KLHL20: variants seen among roughly 807,000 people sequenced by gnomAD.
KLHL20 encodes the protein kelch like family member 20.
Under a neutral mutation model 69.5 loss-of-function variants are expected in KLHL20, and 29 were observed. The ratio of observed to expected loss-of-function variants is 0.42; its 90% CI spans 0.31 to 0.57. The LOEUF (loss-of-function observed/expected upper bound fraction) is 0.57. KLHL20 is among the 20% of genes least tolerant of loss of function. The pLI is 0.18. For missense variants in KLHL20, 419 were observed against 776.0 expected (o/e 0.54, Z 5.47); for synonymous variants, 253 against 265.2 (o/e 0.95, Z 0.45).
At chr1:173,715,129 G>T (rs1412581053) in intron 1 of KLHL20, 51 bp downstream of exon 1, 1 of 152,458 alleles carries the variant, frequency 6.6e-6, no homozygotes, top group Non-Finnish European at 1.5e-5. Flanking sequence ...GCGCCCCAGG[G>T]CTCGCTTCGC....
intron 3 of KLHL20, chr1:173,742,073 C>A: frequency 2.4e-6 from 1 of 409,064 alleles, no homozygotes; most frequent in Non-Finnish European, 4.3e-6. Flanking sequence ...GATGACCTAA[C>A]AGAAAAATGG....
At chr1:173,766,450 G>A (rs1433925537) in intron 8 of KLHL20, among the ~76,000 whole-genome samples, 161 bp downstream of exon 8, 1 of 148,858 alleles carries the variant, frequency 6.7e-6, no homozygotes, top group African/African-American at 2.5e-5. Flanking sequence ...TTCGAGACCA[G>A]CCTGGGCAAC....
At chr1:173,740,940 T>G (rs1480196073) in intron 3 of KLHL20, among the ~76,000 whole-genome samples, 3 of 152,198 alleles carry the variant, frequency 2.0e-5, no homozygotes, top group Non-Finnish European at 4.4e-5. Context: ...CAAGGACCCC[T>G]GTGAGATAAA....
chr1:173,733,387 A>G (rs1672375860), intron 2 of KLHL20, among the ~76,000 whole-genome samples: 1 of 152,148 alleles, frequency 6.6e-6, no homozygotes, highest in African/African-American at 2.4e-5. Flanking sequence ...ACTTGGGCTT[A>G]ATTTTTAAAA....
At chr1:173,731,960 G>C (rs896799530) in intron 2 of KLHL20, among the ~76,000 whole-genome samples, 1 of 152,152 alleles carries the variant, frequency 6.6e-6, no homozygotes, top group Non-Finnish European at 1.5e-5. Flanking sequence ...CACTTTGGGA[G>C]GCTGAGGCAG....
intron 7 of KLHL20, among the ~76,000 whole-genome samples, chr1:173,758,002 A>G (rs530414613): frequency 4.7e-4 from 71 of 152,336 alleles, no homozygotes; most frequent in Non-Finnish European, 9.1e-4. Context: ...CCGCATATCA[A>G]GTTCTAAAGA....
chr1:173,782,044 A>C, intron 10 of KLHL20, 80 bp from the exon 11 acceptor site: 1 of 939,440 alleles, frequency 1.1e-6, no homozygotes, highest in Non-Finnish European at 1.7e-6. Context: ...TTTTGTAAAT[A>C]GATTTATCTA....
intron 3 of KLHL20, among the ~76,000 whole-genome samples, chr1:173,737,771 G>T (rs569964410): frequency 3.5e-4 from 54 of 152,198 alleles, no homozygotes; most frequent in African/African-American, 1.2e-3. Context: ...ATTTTTATGG[G>T]AATTGCATTG....
chr1:173,766,349 A>C (rs1647708057), intron 8 of KLHL20, 60 bp downstream of exon 8: 1 of 1,454,748 alleles, frequency 6.9e-7, no homozygotes, highest in East Asian at 2.5e-5. Flanking sequence ...GAGCTCTTTA[A>C]AAGAAAAACT....
At chr1:173,760,789 C>G (rs115216133) in intron 7 of KLHL20, among the ~76,000 whole-genome samples, 1 of 152,014 alleles carries the variant, frequency 6.6e-6, no homozygotes, top group African/African-American at 2.4e-5. Context: ...CACACAGTAC[C>G]CATAATGCAA....
At chr1:173,744,661 T>C (rs1016306105) in intron 3 of KLHL20, among the ~76,000 whole-genome samples, 10 of 152,294 alleles carry the variant, frequency 6.6e-5, no homozygotes, top group African/African-American at 2.4e-4. Context: ...TAATTTTATC[T>C]TTTTCCAAAT....
chr1:173,733,021 CTT>C (rs746523298), intron 2 of KLHL20, among the ~76,000 whole-genome samples: 10 of 125,730 alleles, frequency 8.0e-5, no homozygotes, highest in Non-Finnish European at 1.2e-4. Flanking sequence ...TCAATCCAGA[CTT>C]TTTTTTTTTT....
chr1:173,750,943 G>A (rs1244386888), intron 3 of KLHL20, among the ~76,000 whole-genome samples: 1 of 152,162 alleles, frequency 6.6e-6, no homozygotes, highest in East Asian at 1.9e-4. Context: ...TTTTTGATGA[G>A]CATGATTATA....
chr1:173,736,327 G>A (rs1024997975), intron 3 of KLHL20, among the ~76,000 whole-genome samples: 2 of 152,014 alleles, frequency 1.3e-5, no homozygotes, highest in Non-Finnish European at 2.9e-5. Context: ...TTATCCACTT[G>A]TTGATTGATG....
intron 7 of KLHL20, among the ~76,000 whole-genome samples, chr1:173,762,693 T>G (rs770387902): frequency 6.6e-6 from 1 of 152,146 alleles, no homozygotes; most frequent in Non-Finnish European, 1.5e-5. Flanking sequence ...CACTTTATGA[T>G]TAAAACTCTC....
chr1:173,761,638 T>C lies in KLHL20; in HGVS notation c.1151+4479T>C, dbSNP rs532425117. Among the ~76,000 whole-genome samples, 44 of 152,324 alleles carry C rather than the reference T, an allele frequency of 2.9e-4. 1 individual carries two copies. Among genetic ancestry groups the C allele is most frequent in the African/African-American group, 1.1e-3 (44 of 41,578 alleles). On this transcript the variant is annotated intron_variant, in intron 7 of 11. Transcript: ENST00000209884. ...TAAATAACCTGCTCCTGCATGAGCA[T>C]TGGGTCAAAAACGAAATCAAGATGG...
intron 10 of KLHL20, among the ~76,000 whole-genome samples, chr1:173,780,019 A>T (rs1648755995): frequency 6.6e-6 from 1 of 152,210 alleles, no homozygotes; most frequent in African/African-American, 2.4e-5. Flanking sequence ...TCAGGAGTTC[A>T]TCGAGACATC....
intron 3 of KLHL20, 127 bp downstream of exon 3, chr1:173,734,413 A>G: frequency 1.2e-6 from 1 of 832,858 alleles, no homozygotes; most frequent in Non-Finnish European, 2.0e-6. Context: ...TAAATAAGTT[A>G]TTATAAATCC....
At chr1:173,742,807 A>G (rs1672879608) in intron 3 of KLHL20, among the ~76,000 whole-genome samples, 1 of 151,490 alleles carries the variant, frequency 6.6e-6, no homozygotes, top group South Asian at 2.1e-4. Flanking sequence ...AAAGTTATTA[A>G]TAGTATTAGG....
Sources: allele counts gnomAD v4.1 joint callset (sites outside exome capture counted in the v4.1 genomes callset), GRCh38; gene constraint gnomAD v4.1.1; transcripts MANE v1.5; gene names NCBI Gene and HGNC (gene_info 2026-07-23, HGNC 2026-07-21).